NTNG1: variants seen among roughly 807,000 people sequenced by gnomAD.
NTNG1 encodes netrin-G1.
A neutral mutation model predicts 54.0 loss-of-function variants in NTNG1; 16 were observed. The observed-to-expected ratio is 0.30, with a 90% confidence interval of 0.20 to 0.45. The LOEUF (loss-of-function observed/expected upper bound fraction) is 0.45. NTNG1 is among the 20% of genes least tolerant of loss of function. NTNG1 has a pLI of 1.00. For synonymous variants in NTNG1, 255 were observed against 263.1 expected, an observed-to-expected ratio of 0.97 and a Z score of 0.30; for missense variants, 530 against 678.7, an observed-to-expected ratio of 0.78 and a Z score of 2.43.
Position 107,148,524 on chromosome 1 carries a change from C to G in NTNG1, c.-70C>G. 2 of 1,478,332 alleles carry G rather than the reference C, an allele frequency of 1.4e-6. No individual in the cohort carries two copies. Among genetic ancestry groups the G allele is most frequent in the Non-Finnish European group, 9.4e-7 (1 of 1,066,234 alleles). 91.6% of individuals were successfully genotyped at this position (1,478,332 alleles called of 1,614,324 possible). A position where few individuals can be genotyped will look rare whatever the true frequency, so the allele number is the denominator to read the frequency against. On this transcript the variant is annotated 5_prime_UTR_variant, in exon 2 of 8. Transcript: ENST00000370068. ...ATACATATGTGTATATATATGTAAA[C>G]TAGACAAAGATCGCAGATCATAAAG...
At chr1:107,348,730 C>A (rs1336855008) in intron 3 of NTNG1, among the ~76,000 whole-genome samples, 1 of 152,162 alleles carries the variant, frequency 6.6e-6, no homozygotes, top group East Asian at 1.9e-4. Flanking sequence ...TGAACCCTGC[C>A]TCTCCAAGAG....
chr1:107,387,063 T>C (rs1351831390), intron 3 of NTNG1, among the ~76,000 whole-genome samples: 1 of 152,246 alleles, frequency 6.6e-6, no homozygotes, highest in Non-Finnish European at 1.5e-5. Context: ...AAAATATCTA[T>C]TCAGATTCTT....
intron 3 of NTNG1, among the ~76,000 whole-genome samples, chr1:107,329,457 G>A (rs1196832346): frequency 6.6e-6 from 1 of 152,160 alleles, no homozygotes. Flanking sequence ...CATGGTTAGT[G>A]CGAAAGATGT....
chr1:107,418,692 G>T (rs940338729), intron 5 of NTNG1: 2 of 1,298,710 alleles, frequency 1.5e-6, no homozygotes, highest in African/African-American at 1.5e-5. Flanking sequence ...CACATGTTTG[G>T]GGGAAAATCC....
chr1:107,417,512 C>G (rs1222746611), intron 5 of NTNG1, among the ~76,000 whole-genome samples: 1 of 152,056 alleles, frequency 6.6e-6, no homozygotes, highest in African/African-American at 2.4e-5. Flanking sequence ...AGGCTTTGCC[C>G]TTCTTCAAAG....
At chr1:107,413,527 A>G (rs1015425370) in intron 5 of NTNG1, among the ~76,000 whole-genome samples, 28 of 152,082 alleles carry the variant, frequency 1.8e-4, no homozygotes, top group African/African-American at 6.8e-4. Flanking sequence ...ACCCAAAGGG[A>G]CCTTGTAATT....
At chr1:107,403,942 G>A (rs1014023003) in intron 4 of NTNG1, among the ~76,000 whole-genome samples, 4 of 151,748 alleles carry the variant, frequency 2.6e-5, no homozygotes, top group Admixed American at 6.6e-5. Context: ...AACTTATCTA[G>A]TATCTTTCCT....
Position 107,324,397 on chromosome 1 carries a change from C to T in NTNG1, c.362C>T (p.Ala121Val), listed in dbSNP as rs1419020209. The change falls in exon 3 of 8, where the codon GCC becomes GTC. Residue 121 changes from alanine (A) to valine (V), a missense_variant. This residue lies in a region of NTNG1 where 318 missense variants were observed against 465.1 expected (regional missense o/e 0.68). Coordinates refer to ENST00000370068, the MANE Select transcript of NTNG1 (RefSeq NM_001113226.3). Reference sequence around the variant, plus strand: ...CATCCCTCCACATTTTGGCAGTCTGCCACTTGGAAGGAGTATCCCAAGCCT... The same window carrying T: ...CATCCCTCCACATTTTGGCAGTCTGTCACTTGGAAGGAGTATCCCAAGCCT... ...GRHPSTFWQS[A>V]TWKEYPKPLQ... is the part of the protein sequence containing the mutation. The T allele has an allele frequency of 8.1e-6, 13 of 1,613,680 alleles. 1 individual carries two copies. Among genetic ancestry groups the T allele is most frequent in the Non-Finnish European group, 1.1e-5 (13 of 1,179,808 alleles).
intron 5 of NTNG1, among the ~76,000 whole-genome samples, chr1:107,428,592 G>A (rs181196096): frequency 6.6e-6 from 1 of 152,054 alleles, no homozygotes; most frequent in African/African-American, 2.4e-5. Context: ...CGACCCAGGG[G>A]CAGGGCTGTT....
intron 2 of NTNG1, among the ~76,000 whole-genome samples, chr1:107,198,238 ATATACT>A (rs72235877): frequency 0.042 from 6,315 of 152,024 alleles, 136 homozygotes; most frequent in Non-Finnish European, 0.05. Context: ...ACACATACTG[ATATACT>A]TATGGATGTG....
intron 2 of NTNG1, among the ~76,000 whole-genome samples, chr1:107,309,210 G>T (rs922161355): frequency 6.6e-6 from 1 of 152,092 alleles, no homozygotes; most frequent in Non-Finnish European, 1.5e-5. Flanking sequence ...TGTGTCTTAG[G>T]CTTCAGTGGA....
intron 7 of NTNG1, among the ~76,000 whole-genome samples, chr1:107,473,791 A>G (rs1678135760): frequency 6.6e-6 from 1 of 152,216 alleles, no homozygotes; most frequent in Non-Finnish European, 1.5e-5. Context: ...TGCTAAAGCT[A>G]TGATCAGAGC....
At chr1:107,451,325 T>C (rs1386201720) in intron 7 of NTNG1, among the ~76,000 whole-genome samples, 3 of 152,078 alleles carry the variant, frequency 2.0e-5, no homozygotes, top group Admixed American at 6.6e-5. Flanking sequence ...TTTCACCACA[T>C]GTCACACTGC....
In NTNG1 at chr1:107,368,454, G is replaced by C. The variant is rs376085371; in HGVS notation, c.888-26700G>C. Among the ~76,000 whole-genome samples the C allele has an allele frequency of 3.3e-5, 5 of 152,294 alleles. No homozygotes were observed. The East Asian group carries it at 7.7e-4, about 23-fold the overall frequency. On this transcript the variant is annotated intron_variant, in intron 3 of 7. Coordinates refer to ENST00000370068, the MANE Select transcript of NTNG1 (RefSeq NM_001113226.3). Reference sequence around the variant, plus strand: ...ACAGATAGGGAAACTGAGAAGGAGAGAAGTTGACTAACTTATGTAAAGTTT... The same window carrying C: ...ACAGATAGGGAAACTGAGAAGGAGACAAGTTGACTAACTTATGTAAAGTTT...
chr1:107,260,780 A>C (rs559177416), intron 2 of NTNG1: 1 of 152,344 alleles, frequency 6.6e-6, no homozygotes, highest in East Asian at 1.9e-4. Context: ...GAAATCAGTC[A>C]GGTGAGTACT....
chr1:107,310,453 T>C (rs1666940096), intron 2 of NTNG1, among the ~76,000 whole-genome samples: 1 of 152,166 alleles, frequency 6.6e-6, no homozygotes, highest in Non-Finnish European at 1.5e-5. Context: ...TATTATATAA[T>C]TTAATTTACT....
chr1:107,464,973 C>T (rs962706250), intron 7 of NTNG1, among the ~76,000 whole-genome samples: 1 of 152,190 alleles, frequency 6.6e-6, no homozygotes, highest in East Asian at 1.9e-4. Flanking sequence ...GTCGGCCCAA[C>T]CCCACATTCC....
At chr1:107,222,338 G>A (rs774846503) in intron 2 of NTNG1, among the ~76,000 whole-genome samples, 4 of 152,070 alleles carry the variant, frequency 2.6e-5, no homozygotes, top group Non-Finnish European at 5.9e-5. Context: ...TATAAACCTA[G>A]TTCTATATCC....
At chr1:107,205,241 T>C (rs969199382) in intron 2 of NTNG1, among the ~76,000 whole-genome samples, 5 of 152,162 alleles carry the variant, frequency 3.3e-5, no homozygotes, top group Non-Finnish European at 7.4e-5. Context: ...AGTTTATAGC[T>C]TCAGAGACTT....
Sources: allele counts gnomAD v4.1 joint callset (sites outside exome capture counted in the v4.1 genomes callset), GRCh38; gene constraint gnomAD v4.1.1; regional missense constraint gnomAD v4.1.1; transcripts MANE v1.5; gene names NCBI Gene and HGNC (gene_info 2026-07-23, HGNC 2026-07-21).